The following ADAMTS15 variants were observed in gnomAD, a reference collection of about 807,000 sequenced individuals.
ADAMTS15 encodes the protein A disintegrin and metalloproteinase with thrombospondin motifs 15.
A neutral mutation model predicts 79.1 loss-of-function variants in ADAMTS15; 35 were observed. The observed-to-expected ratio is 0.44, with a 90% CI of 0.34 to 0.59. The LOEUF (loss-of-function observed/expected upper bound fraction) is 0.59. Among genes scored for constraint, ADAMTS15 ranks in the 20% least tolerant of loss-of-function variants. The probability of loss-of-function intolerance (pLI) is 0.02; values close to 1 mark genes in which losing one functional copy is unlikely to be tolerated. For synonymous variants in ADAMTS15, 616 were observed against 567.3 expected, an observed-to-expected ratio of 1.09 and a Z score of -1.22; for missense variants, 1,324 against 1,318.7, an observed-to-expected ratio of 1.00 and a Z score of -0.06.
At chr11:130,466,055 T>C (rs920142861) in intron 4 of ADAMTS15, among the ~76,000 whole-genome samples, 1 of 152,028 alleles carries the variant, frequency 6.6e-6, no homozygotes, top group Non-Finnish European at 1.5e-5. Flanking sequence ...GTATTTTTAG[T>C]GGAGATGGGG....
At position 130,462,023 on chromosome 11, in the gene ADAMTS15, A is replaced by G. The variant is rs2134726902; in HGVS notation, c.1091-64A>G. Reference sequence around the variant, plus strand: ...ATGGGCTTTCTAGTTCCCCTGCCCCATTCCTCCCTCCAACCCCCATGTCCT... The same window carrying G: ...ATGGGCTTTCTAGTTCCCCTGCCCCGTTCCTCCCTCCAACCCCCATGTCCT... On this transcript the variant is annotated intron_variant, in intron 2 of 7. Coordinates refer to ENST00000299164, the MANE Select transcript of ADAMTS15 (RefSeq NM_139055.4). The surrounding 1 kb of genome is among the most constrained non-coding windows in gnomAD (Gnocchi z 4.3). 1 of 943,068 alleles carries G rather than the reference A, an allele frequency of 1.1e-6. No individual in the cohort carries two copies. The highest frequency in any genetic ancestry group is 1.6e-6 in the Non-Finnish European group (1 of 611,222). The allele number at this position is 943,068 out of a possible 1,614,324, so 58.4% of individuals were successfully genotyped here.
rs1938584938 is a variant in ADAMTS15 at position 130,476,281 on chromosome 11, C to T, written c.*2460C>T. 6.6e-6 allele frequency: 1 copy of T among 152,248 alleles called. No homozygotes were observed. 9.4% of individuals were successfully genotyped at this position (152,248 alleles called of 1,614,324 possible). The stretch of plus-strand genomic sequence containing the variant: ...ACTTCTTGAGGGGGATGGACCAATA[C>T]AGCTTTGGGCTCAGGATTCCCTAGC... On this transcript the variant is annotated 3_prime_UTR_variant, in exon 8 of 8. Transcript: ENST00000299164.
chr11:130,457,053 T>C (rs1290440224), intron 1 of ADAMTS15, among the ~76,000 whole-genome samples: 1 of 151,748 alleles, frequency 6.6e-6, no homozygotes, highest in East Asian at 1.9e-4. Context: ...GCCAACACGG[T>C]GAAACCCAGT....
At chr11:130,470,161 T>C (rs1294405638) in intron 5 of ADAMTS15, among the ~76,000 whole-genome samples, 11 of 54,408 alleles carry the variant, frequency 2.0e-4, no homozygotes, top group African/African-American at 3.4e-4. Flanking sequence ...TGTGTATATA[T>C]ATATATATAT....
intron 6 of ADAMTS15, 30 bp downstream of exon 6, chr11:130,471,131 T>C (rs1191089610): frequency 6.2e-7 from 1 of 1,602,330 alleles, no homozygotes; most frequent in Non-Finnish European, 8.5e-7. Context: ...GAGAACAAAG[T>C]AGGGACCAGG....
In ADAMTS15 at chr11:130,472,998, C is replaced by T; in HGVS notation, c.2079-49C>T. 1 of 1,594,042 alleles carries T rather than the reference C, an allele frequency of 6.3e-7. No individual in the cohort carries two copies. ...AAAACAGATCCTGGAGCATAAGGTCCTCAGGTCCAGGCTTCTATCTGATGC... is the reference window on the plus strand; with the variant it reads ...AAAACAGATCCTGGAGCATAAGGTCTTCAGGTCCAGGCTTCTATCTGATGC... On this transcript the variant is annotated intron_variant, in intron 7 of 7. Coordinates refer to ENST00000299164, the MANE Select transcript of ADAMTS15 (RefSeq NM_139055.4). The surrounding 1 kb of genome is among the most constrained non-coding windows in gnomAD (Gnocchi z 4.7).
In ADAMTS15 at chr11:130,473,161, C is replaced by T. The variant is rs1010962050; in HGVS notation, c.2193C>T (p.Ser731=). The T allele has an allele frequency of 6.2e-7, 1 of 1,614,122 alleles. No individual in the cohort carries two copies. Residue 731 remains serine, a synonymous_variant, in exon 8 of 8, where the codon AGC becomes AGT. Coordinates refer to ENST00000299164, the MANE Select transcript of ADAMTS15 (RefSeq NM_139055.4). ...ACAACTACCTGGCTCTGAAGAACAG[C>T]CAAGGCAAGTACCTGCTCAACGGGC... is the stretch of plus-strand genomic sequence containing the variant. ...GDDNYLALKN[S]QGKYLLNGHF...
chr11:130,454,878 T>C (rs1938041112), intron 1 of ADAMTS15, among the ~76,000 whole-genome samples: 1 of 152,216 alleles, frequency 6.6e-6, no homozygotes, highest in African/African-American at 2.4e-5. Context: ...AGTGAGTTTT[T>C]CTCTTTCTTT....
Position 130,471,188 on chromosome 11 carries a change from C to G in ADAMTS15, c.1903-20C>G. 1 of 1,586,334 alleles carries G rather than the reference C, an allele frequency of 6.3e-7. No individual in the cohort carries two copies. The highest frequency in any genetic ancestry group is 8.6e-7 in the Non-Finnish European group (1 of 1,165,350). ...AGCTGCCCTGCTCTTCCTTCTTTTT[C>G]CCCTTCTGGGGTGCTGCAGGTGGTG... On this transcript the variant is annotated intron_variant, in intron 6 of 7. Transcript: ENST00000299164.
intron 1 of ADAMTS15, among the ~76,000 whole-genome samples, chr11:130,457,308 C>G (rs1021128272): frequency 1.6e-4 from 24 of 151,634 alleles, no homozygotes; most frequent in African/African-American, 5.3e-4. Context: ...CATTGAGCAT[C>G]TTGGTACATG....
At position 130,475,999 on chromosome 11, in the gene ADAMTS15, T is replaced by C. The variant is rs1938577339; in HGVS notation, c.*2178T>C. Reference sequence around the variant, plus strand: ...AACCATTTCAAGGAAGGACAACCTCTCTGGCTCCTGACACAAGCCAGGCCT... The same window carrying C: ...AACCATTTCAAGGAAGGACAACCTCCCTGGCTCCTGACACAAGCCAGGCCT... On this transcript the variant is annotated 3_prime_UTR_variant, in exon 8 of 8. Coordinates refer to ENST00000299164, the MANE Select transcript of ADAMTS15 (RefSeq NM_139055.4). 2 of 152,246 alleles carry C rather than the reference T, an allele frequency of 1.3e-5. No homozygotes were observed. Among genetic ancestry groups the C allele is most frequent in the African/African-American group, 4.8e-5 (2 of 41,462 alleles). The allele number at this position is 152,246 out of a possible 1,614,324, so 9.4% of individuals were successfully genotyped here.
At chr11:130,456,123 T>C (rs748007489) in intron 1 of ADAMTS15, among the ~76,000 whole-genome samples, 4 of 152,188 alleles carry the variant, frequency 2.6e-5, no homozygotes, top group Non-Finnish European at 5.9e-5. Flanking sequence ...TTCTGTGCGA[T>C]GGGGCCTGAT....
At chr11:130,459,229 A>T (rs1938150408) in intron 1 of ADAMTS15, among the ~76,000 whole-genome samples, 2 of 152,018 alleles carry the variant, frequency 1.3e-5, no homozygotes, top group South Asian at 4.2e-4. Flanking sequence ...GCATGGTGGC[A>T]GGTGCCTGTA....
At chr11:130,467,880 TAA>T (rs1319597088) in intron 4 of ADAMTS15, among the ~76,000 whole-genome samples, 1 of 152,152 alleles carries the variant, frequency 6.6e-6, no homozygotes, top group Non-Finnish European at 1.5e-5. Flanking sequence ...TATCTCTTCT[TAA>T]AAGAAACTTC....
Position 130,472,680 on chromosome 11 carries a change from C to CCCTCCTCCT in ADAMTS15, c.2079-347_2079-339dup, listed in dbSNP as rs558950716. 0.019 allele frequency among the ~76,000 whole-genome samples: 2,795 copies of CCCTCCTCCT among 144,416 alleles called. 109 individuals are homozygous for CCCTCCTCCT. Among genetic ancestry groups the CCCTCCTCCT allele is most frequent in the African/African-American group, 0.07 (2,562 of 36,772 alleles). The allele number at this position is 144,416 out of a possible 152,430, so 94.7% of individuals were successfully genotyped here. A position where few individuals can be genotyped will look rare whatever the true frequency, so the allele number is the denominator to read the frequency against. ...GGTGGACTTACTCCTCCCGCCCCAC[C>CCCTCCTCCT]CCTCCTCCTCCTCCTCCTCCTCCTC... On this transcript the variant is annotated intron_variant, in intron 7 of 7. Transcript: ENST00000299164. The surrounding 1 kb of genome is among the most constrained non-coding windows in gnomAD (Gnocchi z 4.7).
intron 4 of ADAMTS15, among the ~76,000 whole-genome samples, chr11:130,466,429 G>A (rs1018587970): frequency 2.6e-5 from 4 of 152,168 alleles, no homozygotes; most frequent in Admixed American, 2.6e-4. Flanking sequence ...TGAGCTCCTG[G>A]TCATCTCCCC....
chr11:130,450,801 A>G (rs1293629858), intron 1 of ADAMTS15, among the ~76,000 whole-genome samples: 7 of 152,192 alleles, frequency 4.6e-5, no homozygotes, highest in Non-Finnish European at 7.3e-5. Flanking sequence ...CCAAGTCACT[A>G]AAATTCCTAT....
At chr11:130,458,696 G>A (rs1007184709) in intron 1 of ADAMTS15, among the ~76,000 whole-genome samples, 10 of 152,130 alleles carry the variant, frequency 6.6e-5, no homozygotes, top group African/African-American at 2.4e-4. Flanking sequence ...TTAGTGATAG[G>A]GCCAGGACCG....
At chr11:130,470,183 T>TATATATATATATAC (rs1565397829) in intron 5 of ADAMTS15, among the ~76,000 whole-genome samples, 3 of 39,842 alleles carry the variant, frequency 7.5e-5, no homozygotes. Flanking sequence ...TATATATATG[T>TATATATATATATAC]GTGTATATAT....
Sources: allele counts gnomAD v4.1 joint callset (sites outside exome capture counted in the v4.1 genomes callset), GRCh38; gene constraint gnomAD v4.1.1; non-coding constraint Gnocchi (gnomAD v3.1); transcripts MANE v1.5; gene names NCBI Gene and HGNC (gene_info 2026-07-23, HGNC 2026-07-21).